BABAM2: variants seen among roughly 807,000 people sequenced by gnomAD.
The protein encoded by BABAM2 is BRISC and BRCA1-A complex member 2.
In BABAM2, 31 loss-of-function variants were observed where a neutral mutation model predicts 54.7. The ratio of observed to expected loss-of-function variants is 0.57; its 90% confidence interval spans 0.43 to 0.77. The LOEUF is 0.77. BABAM2 is among the 30% of genes least tolerant of loss of function. The pLI is 0.00. For missense variants in BABAM2, 364 were observed against 455.8 expected (o/e 0.80, Z 1.83); for synonymous variants, 167 against 162.9 (o/e 1.03, Z -0.19).
At chr2:28,083,738 G>T (rs1558319780) in intron 6 of BABAM2, among the ~76,000 whole-genome samples, 1 of 152,008 alleles carries the variant, frequency 6.6e-6, no homozygotes, top group African/African-American at 2.4e-5. Flanking sequence ...TTGGCCTGTG[G>T]GTAACTAGAT....
chr2:28,152,886 T>A (rs1337815267), intron 7 of BABAM2, among the ~76,000 whole-genome samples: 2 of 152,196 alleles, frequency 1.3e-5, no homozygotes, highest in Admixed American at 1.3e-4. Flanking sequence ...ATAGGAAGTT[T>A]ATATGCTTTT....
intron 7 of BABAM2, among the ~76,000 whole-genome samples, chr2:28,205,226 G>T (rs1678712913): frequency 6.6e-6 from 1 of 152,160 alleles, no homozygotes; most frequent in South Asian, 2.1e-4. Context: ...GTATGGCCAG[G>T]CAGGGTGGCT....
At chr2:28,176,070 GAAA>G (rs957958334) in intron 7 of BABAM2, among the ~76,000 whole-genome samples, 5 of 152,226 alleles carry the variant, frequency 3.3e-5, no homozygotes, top group African/African-American at 1.2e-4. Context: ...ACATCTTCAG[GAAA>G]AAGTCTTCCC....
chr2:28,325,168 A>G lies in BABAM2; in HGVS notation c.1089-13282A>G, dbSNP rs1029410829. Among the ~76,000 whole-genome samples, 1 of 152,188 alleles carries G rather than the reference A, an allele frequency of 6.6e-6. No homozygotes were observed. The highest frequency in any genetic ancestry group is 2.4e-5 in the African/African-American group (1 of 41,438). ...CACTGTTTGAACAAGCCTTCTTTAC[A>G]CCATGTGTGGATATCATTCATCCAC... On this transcript the variant is annotated intron_variant, in intron 11 of 11. Coordinates refer to ENST00000379624, the MANE Select transcript of BABAM2 (RefSeq NM_199191.3). The surrounding 1 kb of genome is among the most constrained non-coding windows in gnomAD (Gnocchi z 4.3).
intron 10 of BABAM2, among the ~76,000 whole-genome samples, chr2:28,286,761 G>A (rs1246629734): frequency 6.6e-6 from 1 of 152,086 alleles, no homozygotes; most frequent in South Asian, 2.1e-4. Flanking sequence ...TATAACCTTC[G>A]TCCTCGTCTC....
intron 3 of BABAM2, among the ~76,000 whole-genome samples, chr2:27,987,336 G>T (rs1485891361): frequency 6.6e-6 from 1 of 152,326 alleles, no homozygotes; most frequent in Non-Finnish European, 1.5e-5. Flanking sequence ...TGTCTATACA[G>T]AATCAGTCTT....
chr2:28,094,670 C>T (rs1666442663), intron 6 of BABAM2, among the ~76,000 whole-genome samples: 1 of 151,998 alleles, frequency 6.6e-6, no homozygotes, highest in Non-Finnish European at 1.5e-5. Flanking sequence ...AAAAAAATCT[C>T]ACTCCCATCC....
intron 7 of BABAM2, among the ~76,000 whole-genome samples, chr2:28,210,337 A>G (rs561547556): frequency 6.6e-6 from 1 of 152,350 alleles, no homozygotes; most frequent in African/African-American, 2.4e-5. Flanking sequence ...AGGGAGGGAA[A>G]ACAACATATG....
At chr2:28,261,086 C>T (rs1684467217) in intron 10 of BABAM2, among the ~76,000 whole-genome samples, 1 of 151,302 alleles carries the variant, frequency 6.6e-6, no homozygotes, top group Non-Finnish European at 1.5e-5. Flanking sequence ...GTATTACAGG[C>T]ACACACCACC....
At chr2:28,013,975 G>A (rs912002697) in intron 4 of BABAM2, among the ~76,000 whole-genome samples, 20 of 152,100 alleles carry the variant, frequency 1.3e-4, no homozygotes, top group African/African-American at 4.6e-4. Context: ...CCAAGCATGA[G>A]CTGCATATTT....
intron 6 of BABAM2, among the ~76,000 whole-genome samples, chr2:28,077,661 A>C (rs1573533704): frequency 6.6e-6 from 1 of 152,274 alleles, no homozygotes; most frequent in African/African-American, 2.4e-5. Context: ...AATTTCTAGC[A>C]ATACCATGTT....
At chr2:27,917,680 CCA>C (rs1326275373) in intron 2 of BABAM2, among the ~76,000 whole-genome samples, 2 of 152,002 alleles carry the variant, frequency 1.3e-5, no homozygotes, top group Non-Finnish European at 2.9e-5. Context: ...TTTTGAGGGG[CCA>C]CTAACATTCA....
At chr2:28,230,802 G>C (rs781554791) in intron 7 of BABAM2, among the ~76,000 whole-genome samples, 1 of 151,668 alleles carries the variant, frequency 6.6e-6, no homozygotes, top group Non-Finnish European at 1.5e-5. Flanking sequence ...TGGGTTTTCA[G>C]AACTATGAAT....
intron 10 of BABAM2, among the ~76,000 whole-genome samples, chr2:28,281,734 G>C (rs1157235041): frequency 6.6e-6 from 1 of 152,222 alleles, no homozygotes; most frequent in African/African-American, 2.4e-5. Context: ...TTCAAGGCCA[G>C]CTCTGTCACT....
chr2:28,268,258 G>A (rs1429361904), intron 10 of BABAM2, among the ~76,000 whole-genome samples: 1 of 152,178 alleles, frequency 6.6e-6, no homozygotes, highest in Non-Finnish European at 1.5e-5. Flanking sequence ...GATACGTTGA[G>A]CCTAGAAATT....
chr2:28,211,897 A>G (rs182373685), intron 7 of BABAM2, among the ~76,000 whole-genome samples: 1 of 152,280 alleles, frequency 6.6e-6, no homozygotes, highest in East Asian at 1.9e-4. Flanking sequence ...CTACATTTAG[A>G]TTTCCTCATT....
intron 8 of BABAM2, among the ~76,000 whole-genome samples, chr2:28,240,159 C>T (rs1255228893): frequency 2.0e-5 from 3 of 151,114 alleles, no homozygotes; most frequent in East Asian, 1.9e-4. Context: ...GAGATGAGGT[C>T]GCCCAGGCTG....
chr2:28,218,618 T>C (rs1324184002), intron 7 of BABAM2, among the ~76,000 whole-genome samples: 1 of 152,190 alleles, frequency 6.6e-6, no homozygotes, highest in Admixed American at 6.5e-5. Context: ...GGATTGGTGA[T>C]GTTGACTTTG....
At chr2:28,017,912 A>ATGGACAT (rs1441462374) in intron 4 of BABAM2, among the ~76,000 whole-genome samples, 2 of 152,194 alleles carry the variant, frequency 1.3e-5, no homozygotes, top group Non-Finnish European at 2.9e-5. Context: ...TCATTGGTTG[A>ATGGACAT]TGGACATTTG....
Sources: gnomAD v4.1 joint callset for allele counts (sites outside exome capture counted in the v4.1 genomes callset) on GRCh38, gnomAD v4.1.1 for gene constraint, Gnocchi (gnomAD v3.1) non-coding constraint, MANE v1.5 for transcripts, NCBI Gene and HGNC (gene_info 2026-07-23, HGNC 2026-07-21) for gene names.